Variants in RIOK3 observed in about 807,000 individuals in gnomAD.
The protein encoded by RIOK3 is RIO kinase 3, also known as serine/threonine-protein kinase RIO3.
RIOK3 carries 40 observed loss-of-function variants against 63.5 expected under a neutral mutation model. That is an observed-to-expected ratio of 0.63 (90% CI 0.49 to 0.82). The LOEUF is 0.82. RIOK3 is among the 40% of genes least tolerant of loss of function. RIOK3 has a pLI of 0.00. For missense variants in RIOK3, 557 were observed against 637.0 expected (o/e 0.87, Z 1.35); for synonymous variants, 193 against 205.0 (o/e 0.94, Z 0.50).
intron 5 of RIOK3, among the ~76,000 whole-genome samples, chr18:23,464,973 G>A (rs2057396578): frequency 6.6e-6 from 1 of 152,108 alleles, no homozygotes. Context: ...AATACAAATG[G>A]GAGGGAGAAA....
intron 7 of RIOK3, among the ~76,000 whole-genome samples, chr18:23,468,293 CTTT>C (rs1245472469): frequency 1.9e-4 from 9 of 46,474 alleles, no homozygotes; most frequent in African/African-American, 9.3e-4. Context: ...CAATATACTC[CTTT>C]TTTTTTTTTT....
At chr18:23,478,298 G>A (rs1021280856) in intron 11 of RIOK3, among the ~76,000 whole-genome samples, 5 of 152,036 alleles carry the variant, frequency 3.3e-5, no homozygotes, top group African/African-American at 1.2e-4. Context: ...GCTGGGCATG[G>A]TGATTCACGC....
At position 23,481,197 on chromosome 18, in the gene RIOK3, A is replaced by T; in HGVS notation, c.1478A>T (p.Glu493Val). The T allele has an allele frequency of 6.2e-7, 1 of 1,611,894 alleles. No individual in the cohort carries two copies. The highest frequency in any genetic ancestry group is 8.5e-7 in the Non-Finnish European group (1 of 1,178,422). ...AEIEALEKMN[E>V]DHVQKNGRKA... ...ATAGAAGCTTTGGAGAAAATGAATG[A>T]AGATCACGTTCAGAAGAATGGAAGG... Residue 493 changes from glutamate (E) to valine (V), a missense_variant, in exon 13 of 13, where the codon GAA (glutamate) becomes GTA (valine). Glu to Val is a moderately radical substitution (Grantham distance 121). Coordinates refer to ENST00000339486, the MANE Select transcript of RIOK3 (RefSeq NM_003831.5).
In RIOK3 at chr18:23,479,413, T is replaced by A; in HGVS notation, c.1441T>A (p.Phe481Ile). ...CATCACAGCAGATAATGAAGCTGAT[T>A]TTTTAGCTGAGGTATGTGATAAACA... ...LNITADNEAD[F>I]LAEIEALEKM... Residue 481 changes from phenylalanine to isoleucine, a missense_variant, in exon 12 of 13, where the codon TTT becomes ATT. Physicochemically the swap from Phe to Ile is conservative, Grantham distance 21. Transcript: ENST00000339486. The A allele has an allele frequency of 1.9e-6, 3 of 1,610,428 alleles. No homozygotes were observed. Among genetic ancestry groups the A allele is most frequent in the Non-Finnish European group, 2.5e-6 (3 of 1,176,712 alleles).
At position 23,467,328 on chromosome 18, in the gene RIOK3, T is replaced by G. The variant is rs2057416226; in HGVS notation, c.688-71T>G. ...AGACTCCGTCTCAAAAAAAAAAAGT[T>G]ATTAGAAGTGGCTCAGAAAATATTT... On this transcript the variant is annotated intron_variant, in intron 6 of 12. Transcript: ENST00000339486. 4 of 1,481,536 alleles carry G rather than the reference T, an allele frequency of 2.7e-6. No individual in the cohort carries two copies. The Admixed American group carries it at 7.8e-5, about 29-fold the overall frequency. 91.8% of individuals were successfully genotyped at this position (1,481,536 alleles called of 1,614,324 possible).
At chr18:23,460,339 G>GT (rs1358399803) in intron 1 of RIOK3, among the ~76,000 whole-genome samples, 31 of 152,330 alleles carry the variant, frequency 2.0e-4, no homozygotes, top group African/African-American at 7.2e-4. Flanking sequence ...CAGTAGGGCA[G>GT]TTTGCTTCAC....
In RIOK3 at chr18:23,481,498, T is replaced by C. The variant is rs1363139204; in HGVS notation, c.*219T>C. On this transcript the variant is annotated 3_prime_UTR_variant, in exon 13 of 13. Transcript: ENST00000339486. ...CTCTCATCTTATGAACAGGATAATATAATTCTTTAACAGCTATAGGTTATC... is the reference window on the plus strand; with the variant it reads ...CTCTCATCTTATGAACAGGATAATACAATTCTTTAACAGCTATAGGTTATC... 1 of 416,994 alleles carries C rather than the reference T, an allele frequency of 2.4e-6. No homozygotes were observed. Among genetic ancestry groups the C allele is most frequent in the African/African-American group, 2.1e-5 (1 of 48,408 alleles). The allele number at this position is 416,994 out of a possible 1,614,324, so 25.8% of individuals were successfully genotyped here. A position where few individuals can be genotyped will look rare whatever the true frequency, so the allele number is the denominator to read the frequency against.
chr18:23,472,964 C>T (rs1360089549), intron 7 of RIOK3, among the ~76,000 whole-genome samples: 1 of 152,206 alleles, frequency 6.6e-6, no homozygotes, highest in African/African-American at 2.4e-5. Flanking sequence ...TATTCATGTA[C>T]TTCTTTTATT....
chr18:23,472,673 C>T (rs570546156), intron 7 of RIOK3, among the ~76,000 whole-genome samples: 2 of 152,256 alleles, frequency 1.3e-5, no homozygotes, highest in East Asian at 3.9e-4. Flanking sequence ...TTGAGAGTGC[C>T]ATACACAGAA....
At chr18:23,478,590 T>C (rs1011969262) in intron 11 of RIOK3, among the ~76,000 whole-genome samples, 14 of 115,304 alleles carry the variant, frequency 1.2e-4, no homozygotes, top group Admixed American at 9.1e-4. Flanking sequence ...AGGCCCTGTC[T>C]CTTAAAAAAA....
At chr18:23,466,028 A>G in intron 5 of RIOK3, 105 bp from the exon 6 acceptor site, 1 of 762,372 alleles carries the variant, frequency 1.3e-6, no homozygotes. Flanking sequence ...TTCTAGTGTG[A>G]TCATCTATTG....
chr18:23,471,962 G>C (rs530582523), intron 7 of RIOK3, among the ~76,000 whole-genome samples: 1 of 152,308 alleles, frequency 6.6e-6, no homozygotes, highest in African/African-American at 2.4e-5. Context: ...GCCAGGCGCG[G>C]TGGCTCACGC....
Position 23,466,251 on chromosome 18 carries a change from A to G in RIOK3, c.662A>G (p.His221Arg). 1 of 1,610,614 alleles carries G rather than the reference A, an allele frequency of 6.2e-7. No individual in the cohort carries two copies. The highest frequency in any genetic ancestry group is 8.5e-7 in the Non-Finnish European group (1 of 1,178,574). Residue 221 changes from histidine to arginine, a missense_variant, in exon 6 of 13, where the codon CAT becomes CGT. Physicochemically the swap from His to Arg is conservative, Grantham distance 29 (BLOSUM62 0). Around this residue, in one of 3 missense-constraint regions of RIOK3, gnomAD observed 243 missense variants for 275.4 expected, o/e 0.88. Coordinates refer to ENST00000339486, the MANE Select transcript of RIOK3 (RefSeq NM_003831.5). ...GAAGAACGTCGAAGTGCCCGCCTAC[A>G]TGAGAAAAAGGAGCATTCTACAGCA... ...YSEERRSARL[H>R]EKKEHSTAEK...
chr18:23,468,443 C>G (rs186746478), intron 7 of RIOK3, among the ~76,000 whole-genome samples: 1 of 151,800 alleles, frequency 6.6e-6, no homozygotes, highest in African/African-American at 2.4e-5. Flanking sequence ...GCTGGGATTA[C>G]AGGCACGCAC....
chr18:23,477,671 G>C (rs542769206), intron 11 of RIOK3, among the ~76,000 whole-genome samples: 7 of 151,728 alleles, frequency 4.6e-5, no homozygotes, highest in Admixed American at 2.6e-4. Context: ...GCTGAGGCAG[G>C]AGACTCACTT....
At chr18:23,453,919 G>A (rs1246911226) in intron 1 of RIOK3, among the ~76,000 whole-genome samples, 1 of 152,214 alleles carries the variant, frequency 6.6e-6, no homozygotes, top group African/African-American at 2.4e-5. Context: ...AATTTGATAA[G>A]TGTGGTTATC....
intron 8 of RIOK3, 38 bp from the exon 9 acceptor site, chr18:23,474,907 CCTT>C (rs1280056878): frequency 5.4e-6 from 8 of 1,468,206 alleles, no homozygotes; most frequent in South Asian, 2.3e-5. Flanking sequence ...TATTTTCTCT[CCTT>C]CTGATCTGTA....
At chr18:23,466,884 C>T (rs1754502739) in intron 6 of RIOK3, among the ~76,000 whole-genome samples, 1 of 151,492 alleles carries the variant, frequency 6.6e-6, no homozygotes, top group African/African-American at 2.4e-5. Flanking sequence ...CACCTTTAGT[C>T]CCAGCTGCTC....
intron 9 of RIOK3, 124 bp downstream of exon 9, chr18:23,475,231 G>A: frequency 5.8e-6 from 4 of 692,050 alleles, no homozygotes; most frequent in Non-Finnish European, 9.5e-6. Context: ...AACTTTGGGA[G>A]GCTCAGGCAG....
Sources: allele counts gnomAD v4.1 joint callset (sites outside exome capture counted in the v4.1 genomes callset), GRCh38; gene constraint gnomAD v4.1.1; regional missense constraint gnomAD v4.1.1; transcripts MANE v1.5; gene names NCBI Gene and HGNC (gene_info 2026-07-23, HGNC 2026-07-21).